KCNAB1: variants seen among roughly 807,000 people sequenced by gnomAD.
The protein encoded by KCNAB1 is voltage-gated potassium channel subunit beta-1.
KCNAB1 carries 35 observed loss-of-function variants against 64.6 expected under a neutral mutation model. The ratio of observed to expected loss-of-function variants is 0.54; its 90% confidence interval spans 0.41 to 0.72. The LOEUF is 0.72. KCNAB1 is among the 30% of genes least tolerant of loss of function. The probability of loss-of-function intolerance (pLI) is 0.00; values close to 1 mark genes in which losing one functional copy is unlikely to be tolerated. For missense variants in KCNAB1, 401 were observed against 512.9 expected, an observed-to-expected ratio of 0.78 and a Z score of 2.11; for synonymous variants, 177 against 183.8, an observed-to-expected ratio of 0.96 and a Z score of 0.30.
At chr3:156,503,708 A>T (rs1296976030) in intron 8 of KCNAB1, among the ~76,000 whole-genome samples, 1 of 152,212 alleles carries the variant, frequency 6.6e-6, no homozygotes, top group African/African-American at 2.4e-5. Flanking sequence ...GGGCAATGCC[A>T]CAAAGCTCAA....
At chr3:156,219,705 T>C (rs536703446) in intron 1 of KCNAB1, among the ~76,000 whole-genome samples, 2 of 20,010 alleles carry the variant, frequency 1.0e-4, no homozygotes, top group South Asian at 4.8e-3. Flanking sequence ...TTTATTATTA[T>C]TATTATTATT....
chr3:156,340,484 G>A (rs141572903), intron 1 of KCNAB1, among the ~76,000 whole-genome samples: 27 of 152,260 alleles, frequency 1.8e-4, no homozygotes, highest in African/African-American at 6.3e-4. Context: ...GGGGCACCAT[G>A]GCAGATGGAC....
Position 156,536,807 on chromosome 3 carries a change from A to C in KCNAB1, c.*60A>C, listed in dbSNP as rs756998418. On this transcript the variant is annotated 3_prime_UTR_variant, in exon 14 of 14. Coordinates refer to ENST00000490337, the MANE Select transcript of KCNAB1 (RefSeq NM_172160.3). ...AATAGCGGCCTGTGCCCAGTACAGA[A>C]AGGTGTTACTAACCAGTCTTTTGAA... 103 of 1,142,746 alleles carry C rather than the reference A, an allele frequency of 9.0e-5. No homozygotes were observed. Among genetic ancestry groups the C allele is most frequent in the Non-Finnish European group, 1.3e-4 (99 of 753,166 alleles). The allele number at this position is 1,142,746 out of a possible 1,614,324, so 70.8% of individuals were successfully genotyped here.
At chr3:156,208,796 A>T (rs1258069405) in intron 1 of KCNAB1, among the ~76,000 whole-genome samples, 1 of 152,242 alleles carries the variant, frequency 6.6e-6, no homozygotes, top group Non-Finnish European at 1.5e-5. Flanking sequence ...CTATGTGGGC[A>T]CATGTTCTAT....
intron 1 of KCNAB1, among the ~76,000 whole-genome samples, chr3:156,383,617 T>C (rs1466360710): frequency 4.6e-5 from 7 of 152,106 alleles, no homozygotes; most frequent in Non-Finnish European, 1.0e-4. Flanking sequence ...TGAAGATAAA[T>C]TCTCCTCACC....
intron 1 of KCNAB1, among the ~76,000 whole-genome samples, chr3:156,200,963 G>A (rs921496875): frequency 2.6e-5 from 4 of 152,196 alleles, no homozygotes; most frequent in Non-Finnish European, 5.9e-5. Context: ...TTAGGCACAC[G>A]AGGGAATGTC....
Position 156,120,864 on chromosome 3 carries a change from T to G in KCNAB1, c.253T>G (p.Cys85Gly). The change falls in exon 1 of 14, where the codon TGC becomes GGC. Residue 85 changes from cysteine (C) to glycine (G), a missense_variant. Physicochemically the swap from Cys to Gly is radical, Grantham distance 159 (BLOSUM62 -3). Coordinates refer to ENST00000490337, the MANE Select transcript of KCNAB1 (RefSeq NM_172160.3). ...CCTGTCCAGCGAGCACACCACCGTC[T>G]GCACCACAGGCATGCCGCACAGGTA... ...CDLSSEHTTV[C>G]TTGMPHRNLG... 6.2e-7 allele frequency: 1 copy of G among 1,614,132 alleles called. No individual in the cohort carries two copies. Among genetic ancestry groups the G allele is most frequent in the Non-Finnish European group, 8.5e-7 (1 of 1,180,028 alleles).
At chr3:156,281,463 A>G (rs1254401587) in intron 1 of KCNAB1, among the ~76,000 whole-genome samples, 1 of 150,038 alleles carries the variant, frequency 6.7e-6, no homozygotes, top group Non-Finnish European at 1.5e-5. Context: ...TTGGTATCAG[A>G]ATGATGCTGG....
intron 1 of KCNAB1, among the ~76,000 whole-genome samples, chr3:156,389,037 C>A (rs1712825430): frequency 6.6e-6 from 1 of 152,212 alleles, no homozygotes; most frequent in South Asian, 2.1e-4. Context: ...GCCTCCAGTT[C>A]CACAGCCACA....
At chr3:156,322,847 A>G (rs1334849004) in intron 1 of KCNAB1, among the ~76,000 whole-genome samples, 1 of 152,162 alleles carries the variant, frequency 6.6e-6, no homozygotes, top group Non-Finnish European at 1.5e-5. Flanking sequence ...TGGGGTTCCG[A>G]TACCTCTTGC....
chr3:156,499,979 G>C (rs1182025088), intron 8 of KCNAB1, among the ~76,000 whole-genome samples: 1 of 152,130 alleles, frequency 6.6e-6, no homozygotes, highest in African/African-American at 2.4e-5. Flanking sequence ...TTTCATATGG[G>C]GGTGACTCTT....
At chr3:156,469,248 C>CTTTTTTTT (rs34567814) in intron 7 of KCNAB1, among the ~76,000 whole-genome samples, 473 of 72,900 alleles carry the variant, frequency 6.5e-3, no homozygotes, top group Non-Finnish European at 7.6e-3. Flanking sequence ...TTCTTTCTTT[C>CTTTTTTTT]TTTTTTTTTT....
intron 1 of KCNAB1, among the ~76,000 whole-genome samples, chr3:156,322,260 G>A (rs2108027513): frequency 6.6e-6 from 1 of 152,316 alleles, no homozygotes; most frequent in Non-Finnish European, 1.5e-5. Flanking sequence ...TGCCCCCAGT[G>A]TGTTTTATCA....
At chr3:156,423,349 A>C (rs753577689) in intron 2 of KCNAB1, among the ~76,000 whole-genome samples, 13 of 152,332 alleles carry the variant, frequency 8.5e-5, no homozygotes, top group Middle Eastern at 3.4e-3. Context: ...ACACAAGGAG[A>C]CAGTACATGA....
Position 156,457,537 on chromosome 3 carries a change from G to T in KCNAB1, c.437+5G>T, listed in dbSNP as rs1300301113. On this transcript the variant is annotated splice_donor_5th_base_variant and intron_variant, in intron 4 of 13. Transcript: ENST00000490337. ...CGAAGTCTATGCTGCTGGAAAGTAAGTCAGTACCTGTTTGTGTCACTCAAA... is the reference window on the plus strand; with the variant it reads ...CGAAGTCTATGCTGCTGGAAAGTAATTCAGTACCTGTTTGTGTCACTCAAA... 3.7e-6 allele frequency: 6 copies of T among 1,611,882 alleles called. No individual in the cohort carries two copies. The highest frequency in any genetic ancestry group is 4.2e-6 in the Non-Finnish European group (5 of 1,178,112).
intron 1 of KCNAB1, among the ~76,000 whole-genome samples, chr3:156,276,318 A>G (rs1053653139): frequency 6.6e-6 from 1 of 152,184 alleles, no homozygotes; most frequent in Non-Finnish European, 1.5e-5. Context: ...TGTTCCATTT[A>G]GAGCACAGGC....
chr3:156,235,922 C>A (rs1454803121), intron 1 of KCNAB1, among the ~76,000 whole-genome samples: 1 of 152,124 alleles, frequency 6.6e-6, no homozygotes, highest in Non-Finnish European at 1.5e-5. Context: ...CCAAAAGGTA[C>A]ATATAGTCTA....
rs146220284 is a variant in KCNAB1 at position 156,249,652 on chromosome 3, C to T, written c.275+128766C>T. ...AGCTTTGCAGTTTCAAGGAGGAGAA[C>T]GGCTTTACTATAAACCACCCAGTTG... On this transcript the variant is annotated intron_variant, in intron 1 of 13. Coordinates refer to ENST00000490337, the MANE Select transcript of KCNAB1 (RefSeq NM_172160.3). Among the ~76,000 whole-genome samples the T allele has an allele frequency of 2.1e-3, 315 of 152,184 alleles. 1 individual carries two copies. Among genetic ancestry groups the T allele is most frequent in the East Asian group, 9.5e-3 (49 of 5,182 alleles).
intron 1 of KCNAB1, among the ~76,000 whole-genome samples, chr3:156,213,877 T>C (rs1370941847): frequency 6.6e-6 from 1 of 152,122 alleles, no homozygotes; most frequent in Non-Finnish European, 1.5e-5. Context: ...AGCTTCAGGA[T>C]GGGAAGGCTA....
Sources: gnomAD v4.1 joint callset for allele counts (sites outside exome capture counted in the v4.1 genomes callset) on GRCh38, gnomAD v4.1.1 for gene constraint, MANE v1.5 for transcripts, NCBI Gene and HGNC (gene_info 2026-07-23, HGNC 2026-07-21) for gene names.